Variants in CABCOCO1 observed in about 807,000 individuals in gnomAD.
CABCOCO1 encodes ciliary associated calcium binding coiled-coil 1.
A neutral mutation model predicts 35.7 loss-of-function variants in CABCOCO1; 28 were observed. That is an observed-to-expected ratio of 0.78 (90% confidence interval 0.58 to 1.07). The LOEUF is 1.07. CABCOCO1 is among the 50% of genes least tolerant of loss of function. The probability of loss-of-function intolerance (pLI) is 0.00; values close to 1 mark genes in which losing one functional copy is unlikely to be tolerated. For synonymous variants in CABCOCO1, 95 were observed against 100.1 expected (o/e 0.95, Z 0.30); for missense variants, 326 against 309.2 (o/e 1.05, Z -0.41).
rs1417159247 is a variant in CABCOCO1 at position 61,680,675 on chromosome 10, T to TAC, written c.165-467_165-466insCA. On this transcript the variant is annotated intron_variant, in intron 2 of 7. Coordinates refer to ENST00000648843, the MANE Select transcript of CABCOCO1 (RefSeq NM_001366906.2). ...TATTATGTTATACATGTATAACATA[T>TAC]ATGTTATACATGTATAACATATATA... 2.2e-4 allele frequency among the ~76,000 whole-genome samples: 20 copies of TAC among 91,324 alleles called. 2 individuals carry two copies. The highest frequency in any genetic ancestry group is 2.8e-4 in the Non-Finnish European group (13 of 45,870). 59.9% of individuals were successfully genotyped at this position (91,324 alleles called of 152,430 possible).
intron 2 of CABCOCO1, among the ~76,000 whole-genome samples, chr10:61,678,196 T>C (rs1433942708): frequency 2.0e-5 from 3 of 152,172 alleles, no homozygotes; most frequent in African/African-American, 7.2e-5. Context: ...CCAGGCTCCC[T>C]CATATATTGG....
chr10:61,735,469 A>G (rs1001066269), intron 5 of CABCOCO1, among the ~76,000 whole-genome samples: 1 of 152,068 alleles, frequency 6.6e-6, no homozygotes, highest in African/African-American at 2.4e-5. Flanking sequence ...GTCTGGTACC[A>G]ATATAGCTTA....
At chr10:61,681,000 C>T (rs963665474) in intron 2 of CABCOCO1, 143 bp from the exon 3 acceptor site, 5 of 358,530 alleles carry the variant, frequency 1.4e-5, no homozygotes, top group African/African-American at 8.7e-5. Context: ...TTTTGAATGT[C>T]ATTTTGGTCT....
chr10:61,666,511 A>G (rs1839177236), intron 1 of CABCOCO1, among the ~76,000 whole-genome samples: 1 of 152,158 alleles, frequency 6.6e-6, no homozygotes, highest in Admixed American at 6.5e-5. Context: ...TGTAGCATGG[A>G]GATATTGACA....
chr10:61,704,787 C>A (rs1162752096), intron 5 of CABCOCO1, among the ~76,000 whole-genome samples: 1 of 151,838 alleles, frequency 6.6e-6, no homozygotes, highest in Admixed American at 6.6e-5. Context: ...TTTCAATCAT[C>A]CCCAAAATGC....
intron 4 of CABCOCO1, among the ~76,000 whole-genome samples, chr10:61,686,492 A>T (rs993146861): frequency 3.3e-5 from 5 of 152,102 alleles, no homozygotes; most frequent in Non-Finnish European, 7.4e-5. Context: ...TTTTCTTTGC[A>T]TCTTTAATTA....
intron 5 of CABCOCO1, among the ~76,000 whole-genome samples, chr10:61,705,577 A>T (rs1381465872): frequency 6.6e-6 from 1 of 152,218 alleles, no homozygotes; most frequent in Non-Finnish European, 1.5e-5. Context: ...CAGGCACATA[A>T]TTACAAACCA....
Position 61,765,998 on chromosome 10 carries a change from A to C in CABCOCO1, c.876A>C (p.Lys292Asn), listed in dbSNP as rs1475000545. Residue 292 changes from lysine to asparagine, a missense_variant, in exon 8 of 8, where the codon AAA becomes AAC. Physicochemically the swap from Lys to Asn is moderately conservative, Grantham distance 94 (BLOSUM62 0). Transcript: ENST00000648843. ...QEEAFNARIE[K>N]LKKA ...AGGCCTTTAATGCACGAATAGAAAA[A>C]TTGAAAAAGGCCTAAGGACTTGGTA... 1 of 1,613,192 alleles carries C rather than the reference A, an allele frequency of 6.2e-7. No homozygotes were observed. Among genetic ancestry groups the C allele is most frequent in the Non-Finnish European group, 8.5e-7 (1 of 1,179,298 alleles).
At chr10:61,756,137 A>G (rs755929411) in intron 5 of CABCOCO1, among the ~76,000 whole-genome samples, 7 of 152,072 alleles carry the variant, frequency 4.6e-5, no homozygotes, top group Non-Finnish European at 1.0e-4. Context: ...ATTATGCCAA[A>G]AAGCCATTTA....
chr10:61,728,518 G>A (rs997715595), intron 5 of CABCOCO1, among the ~76,000 whole-genome samples: 3 of 152,118 alleles, frequency 2.0e-5, no homozygotes, highest in African/African-American at 7.2e-5. Context: ...ATAATAATTT[G>A]TATTATCTCT....
chr10:61,699,492 T>G (rs142770109), intron 5 of CABCOCO1, among the ~76,000 whole-genome samples: 45 of 152,270 alleles, frequency 3.0e-4, no homozygotes, highest in African/African-American at 1.0e-3. Flanking sequence ...ACCAGTTCTC[T>G]GATTGAGCTA....
In CABCOCO1 at chr10:61,681,271, A is replaced by C; in HGVS notation, c.293A>C (p.Lys98Thr). The change falls in exon 3 of 8, where the codon AAA (lysine) becomes ACA (threonine). Residue 98 changes from lysine (K) to threonine (T), a missense_variant. Physicochemically the swap from Lys to Thr is moderately conservative, Grantham distance 78 (BLOSUM62 -1). Transcript: ENST00000648843. ...GMDFSIIQYS[K>T]FMTLLAMSLQ... ...GATTTCTCTATTATTCAGTATTCAA[A>C]ATTTATGACTTTACTAGCTATGTCA... 1 of 1,571,078 alleles carries C rather than the reference A, an allele frequency of 6.4e-7. No individual in the cohort carries two copies.
At chr10:61,686,393 A>T (rs1839965532) in intron 4 of CABCOCO1, among the ~76,000 whole-genome samples, 1 of 152,172 alleles carries the variant, frequency 6.6e-6, no homozygotes, top group South Asian at 2.1e-4. Context: ...AACAGTGAAC[A>T]GTTTGGCTAA....
At chr10:61,676,245 A>T (rs536390294) in intron 2 of CABCOCO1, among the ~76,000 whole-genome samples, 1 of 152,240 alleles carries the variant, frequency 6.6e-6, no homozygotes, top group Non-Finnish European at 1.5e-5. Context: ...CTTATTGAAA[A>T]ATTTATTTCA....
intron 1 of CABCOCO1, among the ~76,000 whole-genome samples, chr10:61,669,020 G>GAGAAAAAAAAAAAAA: frequency 9.8e-6 from 1 of 102,480 alleles, no homozygotes; most frequent in Non-Finnish European, 2.1e-5. Context: ...AAGGGTTGGG[G>GAGAAAAAAAAAAAAA]AAAAAAAAAA....
At chr10:61,747,370 T>C (rs988983249) in intron 5 of CABCOCO1, among the ~76,000 whole-genome samples, 1 of 152,202 alleles carries the variant, frequency 6.6e-6, no homozygotes, top group Non-Finnish European at 1.5e-5. Context: ...TGTCATTTCA[T>C]AACATTTTGA....
intron 5 of CABCOCO1, among the ~76,000 whole-genome samples, chr10:61,722,557 A>G (rs979873549): frequency 2.6e-5 from 4 of 152,270 alleles, no homozygotes; most frequent in African/African-American, 9.6e-5. Context: ...TATTTAAAAA[A>G]TTAACAGCAA....
chr10:61,693,616 C>T (rs1840214857), intron 5 of CABCOCO1, among the ~76,000 whole-genome samples: 1 of 152,026 alleles, frequency 6.6e-6, no homozygotes, highest in African/African-American at 2.4e-5. Context: ...TGAGTGGCTC[C>T]TGACATCACA....
At chr10:61,723,103 G>A (rs1841062057) in intron 5 of CABCOCO1, among the ~76,000 whole-genome samples, 1 of 152,130 alleles carries the variant, frequency 6.6e-6, no homozygotes, top group Non-Finnish European at 1.5e-5. Flanking sequence ...ATAAAATGTT[G>A]GCAAGTAGAA....
Sources: allele counts gnomAD v4.1 joint callset (sites outside exome capture counted in the v4.1 genomes callset), GRCh38; gene constraint gnomAD v4.1.1; transcripts MANE v1.5; gene names NCBI Gene and HGNC (gene_info 2026-07-23, HGNC 2026-07-21).